The following PCDH17 variants were observed in gnomAD, a reference collection of about 807,000 sequenced individuals.
The protein encoded by PCDH17 is protocadherin 17, also known as protocadherin-17.
A neutral mutation model predicts 67.7 loss-of-function variants in PCDH17; 21 were observed. That is an observed-to-expected ratio of 0.31 (90% CI 0.22 to 0.45). The LOEUF is 0.45. Among genes scored for constraint, PCDH17 ranks in the 20% least tolerant of loss-of-function variants. The pLI, the probability that PCDH17 is intolerant of heterozygous loss-of-function variation, is 1.00. For missense variants in PCDH17, 1,471 were observed against 1,564.8 expected (o/e 0.94, Z 1.01); for synonymous variants, 701 against 656.7 (o/e 1.07, Z -1.03).
intron 1 of PCDH17, among the ~76,000 whole-genome samples, chr13:57,651,584 C>T (rs959531665): frequency 1.3e-5 from 2 of 151,882 alleles, no homozygotes; most frequent in East Asian, 1.9e-4. Flanking sequence ...GCCATCCATC[C>T]GCCTCAGCCT....
At position 57,634,362 on chromosome 13, in the gene PCDH17, C is replaced by A; in HGVS notation, c.1816C>A (p.Leu606Met). ...GCCGCGCAACGCTGGCCTGGGCTAT[C>A]TGGTGAGCACTGTGCGCGCCCTAGA... is the stretch of plus-strand genomic sequence containing the variant. ...QVPRNAGLGY[L>M]VSTVRALDSD... Residue 606 changes from leucine to methionine, a missense_variant, in exon 1 of 4, where the codon CTG (leucine) becomes ATG (methionine). Leu to Met is a conservative substitution (Grantham distance 15, BLOSUM62 2). Coordinates refer to ENST00000377918, the MANE Select transcript of PCDH17 (RefSeq NM_001040429.3). The surrounding 1 kb of genome is among the most constrained non-coding windows in gnomAD (Gnocchi z 7.8). The A allele has an allele frequency of 6.2e-7, 1 of 1,612,624 alleles. No individual in the cohort carries two copies. The highest frequency in any genetic ancestry group is 8.5e-7 in the Non-Finnish European group (1 of 1,179,926).
chr13:57,683,314 T>C (rs947699547), intron 3 of PCDH17, among the ~76,000 whole-genome samples: 8 of 151,846 alleles, frequency 5.3e-5, no homozygotes, highest in African/African-American at 1.7e-4. Context: ...AACAATACAG[T>C]TGGGCTGTTA....
At chr13:57,706,701 A>AT (rs1955724793) in intron 3 of PCDH17, among the ~76,000 whole-genome samples, 2 of 152,154 alleles carry the variant, frequency 1.3e-5, no homozygotes, top group Non-Finnish European at 2.9e-5. Flanking sequence ...TTCTGTGTTG[A>AT]CAGGATGAGC....
At chr13:57,707,628 C>T (rs1175389909) in intron 3 of PCDH17, among the ~76,000 whole-genome samples, 4 of 151,952 alleles carry the variant, frequency 2.6e-5, no homozygotes, top group Admixed American at 6.6e-5. Context: ...GCTGCTATAA[C>T]GAAGTACTGC....
Position 57,633,434 on chromosome 13 carries a change from C to T in PCDH17, c.888C>T (p.Ile296=). The change falls in exon 1 of 4, where the codon ATC becomes ATT. Residue 296 remains isoleucine, a synonymous_variant. Coordinates refer to ENST00000377918, the MANE Select transcript of PCDH17 (RefSeq NM_001040429.3). The surrounding 1 kb of genome is among the most constrained non-coding windows in gnomAD (Gnocchi z 6.2). The part of the protein sequence containing the change: ...VPDRVRELFS[I]DPKTGLIRVK... ...ACCGCGTGCGGGAGCTCTTCTCCAT[C>T]GACCCCAAGACCGGCCTAATCCGTG... 6.2e-7 allele frequency: 1 copy of T among 1,613,592 alleles called. No homozygotes were observed. Among genetic ancestry groups the T allele is most frequent in the Non-Finnish European group, 8.5e-7 (1 of 1,180,034 alleles).
Position 57,632,946 on chromosome 13 carries a change from T to C in PCDH17, c.400T>C (p.Ser134Pro). 6.2e-7 allele frequency: 1 copy of C among 1,613,798 alleles called. No individual in the cohort carries two copies. Among genetic ancestry groups the C allele is most frequent in the Non-Finnish European group, 8.5e-7 (1 of 1,179,990 alleles). The change falls in exon 1 of 4, where the codon TCG becomes CCG. Residue 134 changes from serine to proline, a missense_variant. By Grantham distance (74) the Ser-to-Pro change is moderately conservative (BLOSUM62 -1). Around this residue, in one of 3 missense-constraint regions of PCDH17, gnomAD observed 1,163 missense variants for 1,230.0 expected, o/e 0.95. Coordinates refer to ENST00000377918, the MANE Select transcript of PCDH17 (RefSeq NM_001040429.3). ...CAACGACAACGCGCCCTCCTTCTCC[T>C]CGGACCAGATCGAAATGGACATCTC... ...DINDNAPSFS[S>P]DQIEMDISEN... is the part of the protein sequence containing the mutation.
intron 1 of PCDH17, among the ~76,000 whole-genome samples, chr13:57,648,998 G>A (rs988422081): frequency 4.6e-5 from 7 of 151,990 alleles, no homozygotes; most frequent in East Asian, 1.9e-4. Context: ...AAGATTTCTT[G>A]CCAGCATTTG....
intron 3 of PCDH17, among the ~76,000 whole-genome samples, chr13:57,681,521 C>A (rs1355587083): frequency 6.6e-6 from 1 of 151,680 alleles, no homozygotes; most frequent in Non-Finnish European, 1.5e-5. Context: ...AGATTACTTA[C>A]CTTTACCCAG....
chr13:57,649,603 C>T (rs1955010838), intron 1 of PCDH17, among the ~76,000 whole-genome samples: 2 of 152,088 alleles, frequency 1.3e-5, no homozygotes, highest in South Asian at 4.1e-4. Flanking sequence ...ATTTTAAATG[C>T]ACTCATCTGT....
At chr13:57,716,261 G>A (rs1393405891) in intron 3 of PCDH17, among the ~76,000 whole-genome samples, 2 of 151,888 alleles carry the variant, frequency 1.3e-5, no homozygotes, top group African/African-American at 2.4e-5. Flanking sequence ...ATGATACACT[G>A]CTTAAATACT....
At chr13:57,687,397 A>C (rs143915757) in intron 3 of PCDH17, among the ~76,000 whole-genome samples, 100 of 152,088 alleles carry the variant, frequency 6.6e-4, no homozygotes, top group African/African-American at 2.4e-3. Context: ...AGGTTCTTAG[A>C]ATGTTTTTGT....
Position 57,729,153 on chromosome 13 carries a change from TC to T in PCDH17, c.*3861del, listed in dbSNP as rs1227733245. ...GCTATTTCCATTATCAGCCCATCAC[TC>T]CATAAAGTTCTTAGCTGCACCAAGT... On this transcript the variant is annotated 3_prime_UTR_variant, in exon 4 of 4. Transcript: ENST00000377918. 6.6e-6 allele frequency: 1 copy of T among 152,112 alleles called. No individual in the cohort carries two copies. The highest frequency in any genetic ancestry group is 1.5e-5 in the Non-Finnish European group (1 of 67,998). The allele number at this position is 152,112 out of a possible 1,614,324, so 9.4% of individuals were successfully genotyped here.
chr13:57,697,497 T>G (rs1465452632), intron 3 of PCDH17, among the ~76,000 whole-genome samples: 1 of 151,692 alleles, frequency 6.6e-6, no homozygotes, highest in Non-Finnish European at 1.5e-5. Context: ...AGAAGCCAAC[T>G]ATTTATTATA....
intron 3 of PCDH17, among the ~76,000 whole-genome samples, chr13:57,673,789 C>A (rs924095465): frequency 2.6e-5 from 4 of 152,012 alleles, no homozygotes; most frequent in African/African-American, 7.2e-5. Flanking sequence ...TATTTTCAAG[C>A]CCTGTAAGGT....
chr13:57,703,962 C>T (rs1014948298), intron 3 of PCDH17, among the ~76,000 whole-genome samples: 5 of 152,028 alleles, frequency 3.3e-5, no homozygotes, highest in Non-Finnish European at 7.4e-5. Context: ...TGTTTGTTTT[C>T]TGTCATAATC....
chr13:57,650,577 T>C (rs1955024219), intron 1 of PCDH17, among the ~76,000 whole-genome samples: 1 of 152,208 alleles, frequency 6.6e-6, no homozygotes, highest in Admixed American at 6.5e-5. Context: ...TAATTTCAAG[T>C]TGTTTTTGAA....
intron 3 of PCDH17, among the ~76,000 whole-genome samples, chr13:57,687,146 A>G (rs1856375072): frequency 6.6e-6 from 1 of 152,096 alleles, no homozygotes; most frequent in South Asian, 2.1e-4. Context: ...ATGCAATTTT[A>G]GGTACTTTAT....
rs757810197 is a variant in PCDH17 at position 57,633,240 on chromosome 13, A to G, written c.694A>G (p.Lys232Glu). ...PRSATVQINV[K>E]VIDSNDNSPV... is the part of the protein sequence containing the mutation. The stretch of plus-strand genomic sequence containing the variant: ...TTCCGCCACCGTACAGATCAACGTG[A>G]AGGTGATTGACTCCAACGACAACAG... Residue 232 changes from lysine to glutamate, a missense_variant, in exon 1 of 4, where the codon AAG (lysine) becomes GAG (glutamate). Physicochemically the swap from Lys to Glu is moderately conservative, Grantham distance 56. Coordinates refer to ENST00000377918, the MANE Select transcript of PCDH17 (RefSeq NM_001040429.3). The surrounding 1 kb of genome is among the most constrained non-coding windows in gnomAD (Gnocchi z 6.2). 6.2e-7 allele frequency: 1 copy of G among 1,613,262 alleles called. No individual in the cohort carries two copies. Among genetic ancestry groups the G allele is most frequent in the Non-Finnish European group, 8.5e-7 (1 of 1,179,984 alleles).
chr13:57,720,268 T>C (rs1452329341), intron 3 of PCDH17, among the ~76,000 whole-genome samples: 1 of 151,946 alleles, frequency 6.6e-6, no homozygotes, highest in African/African-American at 2.4e-5. Flanking sequence ...TTCGGGTATC[T>C]TTATGTCCAA....
Sources: allele counts gnomAD v4.1 joint callset (sites outside exome capture counted in the v4.1 genomes callset), GRCh38; gene constraint gnomAD v4.1.1; regional missense constraint gnomAD v4.1.1; non-coding constraint Gnocchi (gnomAD v3.1); transcripts MANE v1.5; gene names NCBI Gene and HGNC (gene_info 2026-07-23, HGNC 2026-07-21).